Variants in GRHL3 observed in about 807,000 individuals in gnomAD.
GRHL3 encodes the protein grainyhead like transcription factor 3.
GRHL3 carries 20 observed loss-of-function variants against 70.3 expected under a neutral mutation model. The ratio of observed to expected loss-of-function variants is 0.28; its 90% CI spans 0.20 to 0.41. GRHL3 has a LOEUF of 0.41. Among genes scored for constraint, GRHL3 ranks in the 10% least tolerant of loss-of-function variants. The pLI is 1.00. For missense variants in GRHL3, 637 were observed against 762.3 expected (o/e 0.84, Z 1.94); for synonymous variants, 299 against 299.9 (o/e 1.00, Z 0.03).
intron 6 of GRHL3, 21 bp from the exon 7 acceptor site, chr1:24,337,955 AGAGGCCGGGAGTGACT>A (rs1639887992): frequency 6.4e-7 from 1 of 1,552,800 alleles, no homozygotes; most frequent in East Asian, 2.3e-5. Flanking sequence ...GGCTCTAGGA[AGAGGCCGGGAGTGACT>A]GTGACCAACT....
At chr1:24,364,413 A>G in exon 16 of GRHL3, 1 of 1,494,420 alleles carries the variant, frequency 6.7e-7, no homozygotes, top group Non-Finnish European at 8.9e-7. Flanking sequence ...ACGGCAGGTC[A>G]CATCTGAGAG....
intron 3 of GRHL3, 56 bp from the exon 4 acceptor site, chr1:24,336,426 A>T (rs1021675942): frequency 1.1e-4 from 141 of 1,239,476 alleles, no homozygotes; most frequent in Non-Finnish European, 1.5e-4. Flanking sequence ...CTCTAGCCAA[A>T]GACCCCCCTT....
Position 24,334,767 on chromosome 1 carries a change from C to T in GRHL3, c.266+61C>T. ...TCCCCACCTCCACCTGGAGCCTCTT[C>T]CACACAGGTTTGACTTATCCATTAG... is the stretch of plus-strand genomic sequence containing the variant. On this transcript the variant is annotated intron_variant, in intron 3 of 15. Coordinates refer to ENST00000361548, the MANE Select transcript of GRHL3 (RefSeq NM_198173.3). This position sits in a 1 kb window ranked among gnomAD's most constrained non-coding sequence, Gnocchi z 4.3. The T allele has an allele frequency of 7.2e-7, 1 of 1,393,268 alleles. No homozygotes were observed. Among genetic ancestry groups the T allele is most frequent in the Non-Finnish European group, 1.0e-6 (1 of 991,262 alleles). 86.3% of individuals were successfully genotyped at this position (1,393,268 alleles called of 1,614,324 possible).
At chr1:24,330,715 T>C (rs2148651306) in intron 1 of GRHL3, among the ~76,000 whole-genome samples, 2 of 152,348 alleles carry the variant, frequency 1.3e-5, no homozygotes, top group Admixed American at 1.3e-4. Context: ...CCTGATCTCT[T>C]TCCTTTGAGC....
At chr1:24,359,671 G>A (rs1371368410), downstream of GRHL3, among the ~76,000 whole-genome samples, 1 of 152,142 alleles carries the variant, frequency 6.6e-6, no homozygotes, top group Admixed American at 6.5e-5. This position sits in a 1 kb window ranked among gnomAD's most constrained non-coding sequence, Gnocchi z 5.3. Flanking sequence ...CGGGAGCATC[G>A]TCAACACTCA....
chr1:24,334,524 G>T lies in GRHL3; in HGVS notation c.205-121G>T. Reference sequence around the variant, plus strand: ...CGATTCAAGATGAGATTTGGGTGGGGACACAGCCGAACCATATCACCAAAG... The same window carrying T: ...CGATTCAAGATGAGATTTGGGTGGGTACACAGCCGAACCATATCACCAAAG... On this transcript the variant is annotated intron_variant, in intron 2 of 15. Coordinates refer to ENST00000361548, the MANE Select transcript of GRHL3 (RefSeq NM_198173.3). This position sits in a 1 kb window ranked among gnomAD's most constrained non-coding sequence, Gnocchi z 4.3. The T allele has an allele frequency of 1.4e-6, 1 of 700,988 alleles. No homozygotes were observed. The highest frequency in any genetic ancestry group is 2.7e-5 in the East Asian group (1 of 37,640). 43.4% of individuals were successfully genotyped at this position (700,988 alleles called of 1,614,324 possible). A position where few individuals can be genotyped will look rare whatever the true frequency, so the allele number is the denominator to read the frequency against.
At chr1:24,338,866 G>A (rs949855061) in intron 7 of GRHL3, among the ~76,000 whole-genome samples, 20 of 152,220 alleles carry the variant, frequency 1.3e-4, no homozygotes, top group Non-Finnish European at 8.8e-5. Context: ...ACCTCTCTGA[G>A]CTTCGTTTTC....
At chr1:24,323,832 T>G (rs1021282459) in intron 1 of GRHL3, among the ~76,000 whole-genome samples, 1 of 152,148 alleles carries the variant, frequency 6.6e-6, no homozygotes, top group Admixed American at 6.5e-5. Flanking sequence ...CTAGTGAAAG[T>G]CTTGAAGGGA....
chr1:24,358,900 T>G (rs1640903427), downstream of GRHL3, among the ~76,000 whole-genome samples: 1 of 152,190 alleles, frequency 6.6e-6, no homozygotes, highest in South Asian at 2.1e-4. Context: ...GAAAAGAAAT[T>G]GAGTAAAGCA....
At chr1:24,347,252 G>A (rs549459291) in intron 13 of GRHL3, among the ~76,000 whole-genome samples, 4 of 152,318 alleles carry the variant, frequency 2.6e-5, no homozygotes, top group Admixed American at 2.6e-4. Context: ...AAGGTCACCT[G>A]GCTGGCAGGT....
chr1:24,324,417 T>C (rs1052575525), intron 1 of GRHL3, among the ~76,000 whole-genome samples: 1 of 152,156 alleles, frequency 6.6e-6, no homozygotes, highest in African/African-American at 2.4e-5. Flanking sequence ...ATATCCCGAT[T>C]CATAGGCTGG....
Position 24,346,656 on chromosome 1 carries a change from T to G in GRHL3, c.1543+15T>G. The G allele has an allele frequency of 6.3e-7, 1 of 1,598,446 alleles. No homozygotes were observed. Among genetic ancestry groups the G allele is most frequent in the Middle Eastern group, 1.7e-4 (1 of 6,024 alleles). On this transcript the variant is annotated intron_variant, in intron 13 of 15. Coordinates refer to ENST00000361548, the MANE Select transcript of GRHL3 (RefSeq NM_198173.3). The stretch of plus-strand genomic sequence containing the variant: ...CCTTCAGAGAGGTGACCTCCCGCCC[T>G]CCTCATTTACTCACCAGGCCCACCC...
chr1:24,336,043 C>T (rs1639795744), intron 3 of GRHL3, among the ~76,000 whole-genome samples: 2 of 152,112 alleles, frequency 1.3e-5, no homozygotes, highest in South Asian at 4.1e-4. Flanking sequence ...TACATCCTTC[C>T]AGATCTTTTC....
intron 1 of GRHL3, among the ~76,000 whole-genome samples, chr1:24,328,110 C>G (rs1225638539): frequency 6.6e-6 from 1 of 152,174 alleles, no homozygotes; most frequent in African/African-American, 2.4e-5. Context: ...TGCCTTGCAA[C>G]AGAGAATTAG....
chr1:24,343,211 GAGAAGA>G, intron 11 of GRHL3, 186 bp downstream of exon 11: 1 of 596,716 alleles, frequency 1.7e-6, no homozygotes, highest in South Asian at 2.4e-5. Flanking sequence ...TTGTATTGAA[GAGAAGA>G]ATGTTATGAA....
At chr1:24,344,217 C>T (rs754262401) in intron 11 of GRHL3, among the ~76,000 whole-genome samples, 18 of 152,238 alleles carry the variant, frequency 1.2e-4, no homozygotes, top group Non-Finnish European at 1.9e-4. Context: ...TGCCTCCTGC[C>T]GGGCGTGTCA....
intron 8 of GRHL3, among the ~76,000 whole-genome samples, chr1:24,340,734 G>T (rs747073225): frequency 1.3e-5 from 2 of 152,232 alleles, no homozygotes; most frequent in African/African-American, 2.4e-5. Flanking sequence ...GCTGCCTGGA[G>T]AAGATGGAGG....
At chr1:24,353,644 G>A (rs140556088) in intron 15 of GRHL3, among the ~76,000 whole-genome samples, 65 of 152,180 alleles carry the variant, frequency 4.3e-4, no homozygotes, top group African/African-American at 1.5e-3. Flanking sequence ...AGCAGGGAAG[G>A]GGCAAGGAGA....
intron 1 of GRHL3, among the ~76,000 whole-genome samples, chr1:24,330,581 A>G (rs561482414): frequency 6.6e-6 from 1 of 152,328 alleles, no homozygotes; most frequent in South Asian, 2.1e-4. Context: ...AATAAAGAGT[A>G]GCTATTATTT....
Sources: allele counts gnomAD v4.1 joint callset (sites outside exome capture counted in the v4.1 genomes callset), GRCh38; gene constraint gnomAD v4.1.1; non-coding constraint Gnocchi (gnomAD v3.1); transcripts MANE v1.5; gene names NCBI Gene and HGNC (gene_info 2026-07-23, HGNC 2026-07-21).